FAM174B: variants seen among roughly 807,000 people sequenced by gnomAD.
The protein encoded by FAM174B is membrane protein FAM174B.
A neutral mutation model predicts 10.9 loss-of-function variants in FAM174B; 12 were observed. The observed-to-expected ratio is 1.10, with a 90% CI of 0.71 to 1.79. FAM174B has a LOEUF of 1.79. Ranked by LOEUF, FAM174B falls within the 40% of genes most tolerant of loss-of-function variation. The probability of loss-of-function intolerance (pLI) is 0.00; values close to 1 mark genes in which losing one functional copy is unlikely to be tolerated. For missense variants in FAM174B, 266 were observed against 233.3 expected, an observed-to-expected ratio of 1.14 and a Z score of -0.91; for synonymous variants, 132 against 115.8, an observed-to-expected ratio of 1.14 and a Z score of -0.90.
chr15:92,628,972 A>G (rs1370267616), intron 2 of FAM174B, among the ~76,000 whole-genome samples: 3 of 152,208 alleles, frequency 2.0e-5, no homozygotes, highest in East Asian at 1.9e-4. Context: ...GGCAAAGTCA[A>G]TGTAAAAGTG....
intron 1 of FAM174B, among the ~76,000 whole-genome samples, chr15:92,636,100 C>T (rs1346992477): frequency 1.3e-5 from 2 of 152,162 alleles, no homozygotes; most frequent in African/African-American, 2.4e-5. Flanking sequence ...AAAACCCTAA[C>T]CAAGTCTGGC....
At chr15:92,642,940 TG>T (rs2050900950) in intron 1 of FAM174B, among the ~76,000 whole-genome samples, 1 of 152,096 alleles carries the variant, frequency 6.6e-6, no homozygotes, top group Non-Finnish European at 1.5e-5. Flanking sequence ...GACCACACAT[TG>T]TATGGTCCCA....
chr15:92,635,604 A>G, intron 1 of FAM174B, among the ~76,000 whole-genome samples: 1 of 143,770 alleles, frequency 7.0e-6, no homozygotes, highest in Non-Finnish European at 1.5e-5. Context: ...TTTTTGAGAC[A>G]GAGTCTCGCT....
chr15:92,643,514 T>C (rs2050905863), intron 1 of FAM174B, among the ~76,000 whole-genome samples: 1 of 152,236 alleles, frequency 6.6e-6, no homozygotes, highest in Non-Finnish European at 1.5e-5. Context: ...TATGCTCTTT[T>C]GTTCTTTGTG....
chr15:92,620,680 T>G (rs1192812164), intron 2 of FAM174B, among the ~76,000 whole-genome samples: 1 of 151,698 alleles, frequency 6.6e-6, no homozygotes, highest in Non-Finnish European at 1.5e-5. Flanking sequence ...CCAGGTGTGG[T>G]GCTGCACGTC....
rs1230129271 is a variant in FAM174B at position 92,644,310 on chromosome 15, G to A, written c.344+11006C>T. 6.6e-5 allele frequency among the ~76,000 whole-genome samples: 10 copies of A among 152,028 alleles called. No individual in the cohort carries two copies. In the South Asian group the frequency reaches 1.3e-3, roughly 19 times the overall value. ...GGGCACAGCCCTCTGAGCTCCACCCGACACCTTCCACCTAGAGCATTTTCG... is the reference window on the plus strand; with the variant it reads ...GGGCACAGCCCTCTGAGCTCCACCCAACACCTTCCACCTAGAGCATTTTCG... On this transcript the variant is annotated intron_variant, in intron 1 of 2. Transcript: ENST00000327355.
chr15:92,623,358 A>T (rs1434362721), intron 2 of FAM174B, among the ~76,000 whole-genome samples: 1 of 152,154 alleles, frequency 6.6e-6, no homozygotes, highest in Admixed American at 6.5e-5. Flanking sequence ...AGAACCGCCA[A>T]ACTGCTAGTG....
rs913656952 is a variant in FAM174B, at chr15:92,620,588, G to C, written c.477-1129C>G. On this transcript the variant is annotated intron_variant, in intron 2 of 2. Coordinates refer to ENST00000327355, the MANE Select transcript of FAM174B (RefSeq NM_207446.3). ...CTAGACCTGTGGGAGGCCACGGCGG[G>C]TGGATCACTTGAGGTAAGGGGTTCG... Among the ~76,000 whole-genome samples, 77 of 152,294 alleles carry C rather than the reference G, an allele frequency of 5.1e-4. 3 individuals carry two copies. Among genetic ancestry groups the C allele is most frequent in the Non-Finnish European group, 4.4e-5 (3 of 68,020 alleles).
At chr15:92,627,914 T>C (rs58674842) in intron 2 of FAM174B, among the ~76,000 whole-genome samples, 4 of 152,142 alleles carry the variant, frequency 2.6e-5, no homozygotes, top group Admixed American at 2.6e-4. Context: ...AATCACTAAC[T>C]TTCCTAGGTA....
At chr15:92,652,538 G>A (rs1371996686) in intron 1 of FAM174B, among the ~76,000 whole-genome samples, 3 of 152,176 alleles carry the variant, frequency 2.0e-5, no homozygotes, top group Non-Finnish European at 4.4e-5. Context: ...CAAGGAGTCT[G>A]TATGCAGGGA....
At chr15:92,620,563 C>T (rs1183964228) in intron 2 of FAM174B, among the ~76,000 whole-genome samples, 1 of 151,942 alleles carries the variant, frequency 6.6e-6, no homozygotes, top group Non-Finnish European at 1.5e-5. Flanking sequence ...GCCTGTAATC[C>T]TAGACCTGTG....
intron 1 of FAM174B, among the ~76,000 whole-genome samples, chr15:92,649,158 A>G (rs1164147780): frequency 6.6e-6 from 1 of 152,214 alleles, no homozygotes; most frequent in Non-Finnish European, 1.5e-5. Context: ...CCATACACAA[A>G]GCCTACATGG....
chr15:92,655,233 G>C, intron 1 of FAM174B, 83 bp downstream of exon 1: 7 of 1,439,878 alleles, frequency 4.9e-6, no homozygotes, highest in South Asian at 1.5e-5. Context: ...TGTGCGTGCA[G>C]GTGGGGCGGG....
At chr15:92,642,015 G>A (rs1294838853) in intron 1 of FAM174B, among the ~76,000 whole-genome samples, 2 of 152,192 alleles carry the variant, frequency 1.3e-5, no homozygotes, top group Non-Finnish European at 2.9e-5. Flanking sequence ...GACCTGAATA[G>A]ACAGTTCTCA....
intron 1 of FAM174B, among the ~76,000 whole-genome samples, chr15:92,649,293 G>A (rs1496725): frequency 0.51 from 77,834 of 152,102 alleles, 23,257 homozygotes; most frequent in East Asian, 0.67. Flanking sequence ...TCACAGTCCT[G>A]TTAATGGGGG....
intron 1 of FAM174B, among the ~76,000 whole-genome samples, chr15:92,654,393 G>T (rs2050986952): frequency 6.6e-6 from 1 of 152,172 alleles, no homozygotes; most frequent in African/African-American, 2.4e-5. Flanking sequence ...CTCAGTAACA[G>T]GACAGGTTTG....
chr15:92,619,120 T>A lies in FAM174B; in HGVS notation c.*336A>T. The A allele has an allele frequency of 1.5e-6, 1 of 673,904 alleles. No individual in the cohort carries two copies. The highest frequency in any genetic ancestry group is 1.6e-5 in the South Asian group (1 of 62,308). The allele number at this position is 673,904 out of a possible 1,614,324, so 41.7% of individuals were successfully genotyped here. On this transcript the variant is annotated 3_prime_UTR_variant, in exon 3 of 3. Coordinates refer to ENST00000327355, the MANE Select transcript of FAM174B (RefSeq NM_207446.3). ...TGATCTCTTTTACTATTGTCAACAA[T>A]TGTCTTAAAAAAACTTCTTTAAAAT...
chr15:92,629,557 C>G (rs1277900718), intron 2 of FAM174B, among the ~76,000 whole-genome samples: 1 of 152,234 alleles, frequency 6.6e-6, no homozygotes, highest in Non-Finnish European at 1.5e-5. Context: ...GGCCGGACCC[C>G]TGACAACCAG....
At chr15:92,628,599 C>T (rs552810465) in intron 2 of FAM174B, among the ~76,000 whole-genome samples, 1 of 152,042 alleles carries the variant, frequency 6.6e-6, no homozygotes, top group South Asian at 2.1e-4. Context: ...TGATTCTTTT[C>T]AAAGGGTGCT....
Sources: gnomAD v4.1 joint callset for allele counts (sites outside exome capture counted in the v4.1 genomes callset) on GRCh38, gnomAD v4.1.1 for gene constraint, MANE v1.5 for transcripts, NCBI Gene and HGNC (gene_info 2026-07-23, HGNC 2026-07-21) for gene names.